The following SMARCA2 variants were observed in gnomAD, a reference collection of about 807,000 sequenced individuals.
SMARCA2 encodes the protein SWI/SNF-related matrix-associated actin-dependent regulator of chromatin subfamily A member 2.
In SMARCA2, 61 loss-of-function variants were observed where a neutral mutation model predicts 199.8. The observed-to-expected ratio is 0.31, with a 90% CI of 0.25 to 0.38. The LOEUF is 0.38. SMARCA2 is among the 10% of genes least tolerant of loss of function. The pLI is 1.00. For synonymous variants in SMARCA2, 935 were observed against 732.0 expected (o/e 1.28, Z -4.48); for missense variants, 1,344 against 2,012.2 (o/e 0.67, Z 6.35).
At chr9:2,022,050 A>C (rs1233876273) in intron 1 of SMARCA2, 4 of 152,130 alleles carry the variant, frequency 2.6e-5, no homozygotes, top group African/African-American at 9.7e-5. Context: ...TGCCTGGAGC[A>C]AGAAGTTCCA....
At chr9:2,167,233 A>G (rs1455261348) in intron 28 of SMARCA2, among the ~76,000 whole-genome samples, 1 of 152,228 alleles carries the variant, frequency 6.6e-6, no homozygotes, top group African/African-American at 2.4e-5. Flanking sequence ...GTGGCTTGAT[A>G]TGCTCTTTCT....
In SMARCA2 at chr9:2,073,277, G is replaced by C; in HGVS notation, c.1812G>C (p.Lys604Asn). The change falls in exon 11 of 34, where the codon AAG becomes AAC. Residue 604 changes from lysine to asparagine, a missense_variant. Physicochemically the swap from Lys to Asn is moderately conservative, Grantham distance 94. Coordinates refer to ENST00000349721, the MANE Select transcript of SMARCA2 (RefSeq NM_003070.5). Reference sequence around the variant, plus strand: ...AAGTGACTCACACAGAAACCGGCAAGGTTCTGTTCGGACCAGAAGCACCCA... The same window carrying C: ...AAGTGACTCACACAGAAACCGGCAACGTTCTGTTCGGACCAGAAGCACCCA... ...PVKVTHTETG[K>N]VLFGPEAPKA... The C allele has an allele frequency of 6.2e-7, 1 of 1,614,170 alleles. No individual in the cohort carries two copies. Among genetic ancestry groups the C allele is most frequent in the Non-Finnish European group, 8.5e-7 (1 of 1,180,026 alleles).
intron 31 of SMARCA2, among the ~76,000 whole-genome samples, chr9:2,184,860 C>CTCTCTT (rs1480267904): frequency 6.6e-6 from 1 of 152,036 alleles, no homozygotes; most frequent in African/African-American, 2.4e-5. Flanking sequence ...CTCTCTCTCT[C>CTCTCTT]TCGCGCGGGT....
chr9:2,109,041 G>A (rs1333201340), intron 23 of SMARCA2, among the ~76,000 whole-genome samples: 1 of 152,180 alleles, frequency 6.6e-6, no homozygotes, highest in African/African-American at 2.4e-5. Context: ...GAGGGCATTT[G>A]TTATTTTTAT....
chr9:2,184,513 G>A (rs756721646), intron 31 of SMARCA2, among the ~76,000 whole-genome samples: 3 of 151,504 alleles, frequency 2.0e-5, no homozygotes, highest in South Asian at 2.1e-4. Flanking sequence ...CACCATGCCC[G>A]GCTAATTTTT....
intron 3 of SMARCA2, among the ~76,000 whole-genome samples, chr9:2,036,663 C>T (rs1377755073): frequency 6.6e-6 from 1 of 152,134 alleles, no homozygotes; most frequent in Non-Finnish European, 1.5e-5. Flanking sequence ...TCATTTTCTT[C>T]TGATCAAATT....
chr9:2,057,922 GA>G (rs745399238), intron 7 of SMARCA2, among the ~76,000 whole-genome samples: 16 of 152,178 alleles, frequency 1.1e-4, no homozygotes, highest in Non-Finnish European at 1.8e-4. Flanking sequence ...CTTTTTGCTG[GA>G]AATACTCATG....
intron 27 of SMARCA2, among the ~76,000 whole-genome samples, chr9:2,147,318 C>T (rs573365100): frequency 4.3e-4 from 65 of 151,340 alleles, no homozygotes; most frequent in African/African-American, 1.5e-3. Flanking sequence ...AGAGCAGATG[C>T]CTTCTTAAAT....
intron 12 of SMARCA2, chr9:2,075,516 A>T (rs1240504155): frequency 6.6e-6 from 1 of 152,208 alleles, no homozygotes; most frequent in Non-Finnish European, 1.5e-5. Context: ...GAGAGTTTTT[A>T]ATCTCAGTAC....
At chr9:2,092,876 C>T (rs974397512) in intron 19 of SMARCA2, among the ~76,000 whole-genome samples, 1 of 152,236 alleles carries the variant, frequency 6.6e-6, no homozygotes, top group African/African-American at 2.4e-5. Flanking sequence ...CATGCATGCT[C>T]TAAACAGATG....
intron 27 of SMARCA2, among the ~76,000 whole-genome samples, chr9:2,145,575 G>A (rs1375552702): frequency 2.0e-5 from 3 of 152,166 alleles, no homozygotes; most frequent in East Asian, 3.8e-4. Context: ...AATGGGTGAA[G>A]TAGGGAAGAT....
At chr9:2,098,601 G>A (rs1822370883) in intron 21 of SMARCA2, among the ~76,000 whole-genome samples, 1 of 152,140 alleles carries the variant, frequency 6.6e-6, no homozygotes, top group African/African-American at 2.4e-5. Flanking sequence ...CATAGACACA[G>A]GGGAAAGTAC....
intron 14 of SMARCA2, among the ~76,000 whole-genome samples, chr9:2,078,336 G>A (rs993532485): frequency 6.6e-6 from 1 of 152,204 alleles, no homozygotes; most frequent in Middle Eastern, 3.4e-3. Context: ...GCTGGGTGTG[G>A]TGGCACATGC....
chr9:2,102,776 A>G (rs921659885), intron 22 of SMARCA2, among the ~76,000 whole-genome samples: 2 of 152,108 alleles, frequency 1.3e-5, no homozygotes, highest in African/African-American at 4.8e-5. Flanking sequence ...GATCTTATAA[A>G]AAGGTACGCC....
intron 27 of SMARCA2, among the ~76,000 whole-genome samples, chr9:2,143,739 A>C (rs1445642842): frequency 1.3e-5 from 2 of 152,224 alleles, no homozygotes; most frequent in African/African-American, 4.8e-5. Context: ...CACAAAGAGA[A>C]ATATTTGCTT....
At chr9:2,108,116 A>T (rs2130571194) in intron 23 of SMARCA2, among the ~76,000 whole-genome samples, 1 of 152,304 alleles carries the variant, frequency 6.6e-6, no homozygotes, top group South Asian at 2.1e-4. Context: ...GCATGATCTG[A>T]TGGTGGAGTT....
In SMARCA2 at chr9:2,039,749, T is replaced by A. The variant is rs747810652; in HGVS notation, c.639T>A (p.Pro213=). ...CAGTCCAGGGGAAAAGGACGTTGCCTGGCTTGCAGCAACAACAGCAGCAGC... is the reference window on the plus strand; with the variant it reads ...CAGTCCAGGGGAAAAGGACGTTGCCAGGCTTGCAGCAACAACAGCAGCAGC... ...QLAVQGKRTL[P]GLQQQQQQQQ... Residue 213 remains proline, a synonymous_variant, in exon 4 of 34, where the codon CCT becomes CCA. Transcript: ENST00000349721. This position sits in a 1 kb window ranked among gnomAD's most constrained non-coding sequence, Gnocchi z 4.8. 6 of 1,613,472 alleles carry A rather than the reference T, an allele frequency of 3.7e-6. No homozygotes were observed. Among genetic ancestry groups the A allele is most frequent in the Admixed American group, 1.7e-5 (1 of 59,980 alleles).
Position 2,182,079 on chromosome 9 carries a change from T to A in SMARCA2, c.4360-62T>A. ...GGAAAATCAGGCTTTGTTAACTAAG[T>A]AATGATCGCTGAATTTTCCTCTCCC... On this transcript the variant is annotated intron_variant, in intron 30 of 33. Coordinates refer to ENST00000349721, the MANE Select transcript of SMARCA2 (RefSeq NM_003070.5). The A allele has an allele frequency of 3.8e-6, 4 of 1,055,952 alleles. No homozygotes were observed. In the South Asian group the frequency reaches 5.0e-5, roughly 13 times the overall value. The allele number at this position is 1,055,952 out of a possible 1,614,324, so 65.4% of individuals were successfully genotyped here. A position where few individuals can be genotyped will look rare whatever the true frequency, so the allele number is the denominator to read the frequency against.
chr9:2,167,400 AG>A (rs1238774243), intron 28 of SMARCA2, among the ~76,000 whole-genome samples: 1 of 152,258 alleles, frequency 6.6e-6, no homozygotes, highest in Non-Finnish European at 1.5e-5. Flanking sequence ...CAATTCTTTC[AG>A]AAGCAGTCCA....
Sources: allele counts gnomAD v4.1 joint callset (sites outside exome capture counted in the v4.1 genomes callset), GRCh38; gene constraint gnomAD v4.1.1; non-coding constraint Gnocchi (gnomAD v3.1); transcripts MANE v1.5; gene names NCBI Gene and HGNC (gene_info 2026-07-23, HGNC 2026-07-21).